Variants in GPR39 observed in about 807,000 individuals in gnomAD.
GPR39 encodes zinc sensing receptor.
GPR39 carries 23 observed loss-of-function variants against 18.4 expected under a neutral mutation model. That is an observed-to-expected ratio of 1.25 (90% CI 0.90 to 1.77). GPR39 has a LOEUF of 1.77. Ranked by LOEUF, GPR39 falls within the 40% of genes most tolerant of loss-of-function variation. The pLI, the probability that GPR39 is intolerant of heterozygous loss-of-function variation, is 0.00. For missense variants in GPR39, 647 were observed against 602.4 expected (o/e 1.07, Z -0.78); for synonymous variants, 280 against 257.9 (o/e 1.09, Z -0.82).
chr2:132,429,952 TATGGAGGAAGTTGATAGCTAGGCTA>T (rs1348234389), intron 1 of GPR39, among the ~76,000 whole-genome samples: 2 of 152,182 alleles, frequency 1.3e-5, no homozygotes, highest in Admixed American at 6.5e-5. Flanking sequence ...CTGAGTTAAA[TATGGAGGAAGTTGATAGCTAGGCTA>T]ATGGATTCAG....
intron 1 of GPR39, among the ~76,000 whole-genome samples, chr2:132,423,848 A>G (rs1018062347): frequency 1.3e-5 from 2 of 152,214 alleles, no homozygotes; most frequent in Admixed American, 6.5e-5. Context: ...ATTCCAGCAT[A>G]GTGTCTAGAC....
chr2:132,477,435 G>A (rs368375010), intron 1 of GPR39, among the ~76,000 whole-genome samples: 56 of 152,254 alleles, frequency 3.7e-4, no homozygotes, highest in Non-Finnish European at 4.6e-4. Context: ...GCATGGTAGC[G>A]CATGCCTGTG....
At chr2:132,518,517 T>C (rs1679372064) in intron 1 of GPR39, among the ~76,000 whole-genome samples, 1 of 152,246 alleles carries the variant, frequency 6.6e-6, no homozygotes, top group South Asian at 2.1e-4. Flanking sequence ...GCCCCGTTCA[T>C]GGGCTCTGTG....
intron 1 of GPR39, among the ~76,000 whole-genome samples, chr2:132,499,687 C>G (rs1364951021): frequency 2.6e-5 from 4 of 152,076 alleles, no homozygotes; most frequent in African/African-American, 9.7e-5. Context: ...TTGATTCTAC[C>G]CATCCATGAG....
At chr2:132,571,251 G>C (rs1466658375) in intron 1 of GPR39, among the ~76,000 whole-genome samples, 1 of 152,158 alleles carries the variant, frequency 6.6e-6, no homozygotes, top group African/African-American at 2.4e-5. Context: ...TCTATCCTAA[G>C]ACTGAGCATA....
intron 1 of GPR39, among the ~76,000 whole-genome samples, chr2:132,628,062 G>A (rs980548657): frequency 6.6e-6 from 1 of 152,102 alleles, no homozygotes; most frequent in Non-Finnish European, 1.5e-5. Flanking sequence ...CCCCATGTTG[G>A]TTTCCTCTTT....
Position 132,613,105 on chromosome 2 carries a change from G to A in GPR39, c.857-31996G>A, listed in dbSNP as rs926586650. Among the ~76,000 whole-genome samples, 8 of 152,286 alleles carry A rather than the reference G, an allele frequency of 5.3e-5. No individual in the cohort carries two copies. In the South Asian group the frequency reaches 1.7e-3, roughly 32 times the overall value. On this transcript the variant is annotated intron_variant, in intron 1 of 1. Transcript: ENST00000329321. ...AATTGGCTTTGTGTTCAGGGACTTTGCTAAATTCACATTAATTTCAACAGT... is the reference window on the plus strand; with the variant it reads ...AATTGGCTTTGTGTTCAGGGACTTTACTAAATTCACATTAATTTCAACAGT...
At chr2:132,614,832 T>C (rs1303875154) in intron 1 of GPR39, among the ~76,000 whole-genome samples, 5 of 152,072 alleles carry the variant, frequency 3.3e-5, no homozygotes, top group Non-Finnish European at 5.9e-5. Context: ...TGAGCCACCA[T>C]GCCCGGCCAA....
intron 1 of GPR39, among the ~76,000 whole-genome samples, chr2:132,556,011 G>C (rs2104799442): frequency 6.6e-6 from 1 of 152,102 alleles, no homozygotes; most frequent in South Asian, 2.1e-4. Flanking sequence ...TGAAATGGGA[G>C]AATTTGTGCT....
Position 132,417,837 on chromosome 2 carries a change from G to A in GPR39, c.795G>A (p.Gln265=). The change falls in exon 1 of 2, where the codon CAG becomes CAA. Residue 265 remains glutamine (Q), a synonymous_variant. Coordinates refer to ENST00000329321, the MANE Select transcript of GPR39 (RefSeq NM_001508.3). The part of the protein sequence containing the change: ...GSLAGGTRPP[Q]LRKSESEESR... The stretch of plus-strand genomic sequence containing the variant: ...TGGCCGGGGGCACGCGGCCTCCGCA[G>A]CTGAGGAAGTCCGAGAGCGAAGAGA... 1.2e-6 allele frequency: 2 copies of A among 1,613,216 alleles called. No individual in the cohort carries two copies. The highest frequency in any genetic ancestry group is 2.2e-5 in the East Asian group (1 of 44,864).
At chr2:132,444,906 AT>A (rs779841650) in intron 1 of GPR39, among the ~76,000 whole-genome samples, 8 of 152,158 alleles carry the variant, frequency 5.3e-5, no homozygotes, top group Non-Finnish European at 8.8e-5. Flanking sequence ...AAGAAAAGAA[AT>A]TTTTGAGTGG....
At chr2:132,543,757 C>T (rs953496475) in intron 1 of GPR39, among the ~76,000 whole-genome samples, 8 of 152,162 alleles carry the variant, frequency 5.3e-5, no homozygotes, top group Admixed American at 2.0e-4. Flanking sequence ...GGGGTCTCCT[C>T]ACCCAGCTCA....
At chr2:132,506,763 G>T (rs779412080) in intron 1 of GPR39, among the ~76,000 whole-genome samples, 1 of 152,218 alleles carries the variant, frequency 6.6e-6, no homozygotes, top group Non-Finnish European at 1.5e-5. Context: ...CATGACATGC[G>T]AGGATTAGGG....
rs539190329 is a variant in GPR39 at position 132,644,397 on chromosome 2, T to C, written c.857-704T>C. Reference sequence around the variant, plus strand: ...GCTGAACTAGAAGGAAGTTTTATATTTGCCATCTCTGAATAATTCTTTTTC... The same window carrying C: ...GCTGAACTAGAAGGAAGTTTTATATCTGCCATCTCTGAATAATTCTTTTTC... On this transcript the variant is annotated intron_variant, in intron 1 of 1. Transcript: ENST00000329321. Among the ~76,000 whole-genome samples, 9 of 152,336 alleles carry C rather than the reference T, an allele frequency of 5.9e-5. No individual in the cohort carries two copies. In the East Asian group the frequency reaches 1.7e-3, roughly 29 times the overall value.
intron 1 of GPR39, among the ~76,000 whole-genome samples, chr2:132,552,418 C>T (rs1004877946): frequency 1.3e-5 from 2 of 152,094 alleles, no homozygotes; most frequent in African/African-American, 4.8e-5. Flanking sequence ...GTTCCACCTT[C>T]TCCTTCTGTC....
At chr2:132,442,255 G>A (rs1461650427) in intron 1 of GPR39, among the ~76,000 whole-genome samples, 2 of 152,296 alleles carry the variant, frequency 1.3e-5, no homozygotes, top group East Asian at 3.9e-4. Context: ...CACTCAGAGT[G>A]GTGACTGATC....
At chr2:132,612,308 C>T (rs750666963) in intron 1 of GPR39, among the ~76,000 whole-genome samples, 10 of 152,040 alleles carry the variant, frequency 6.6e-5, no homozygotes, top group Non-Finnish European at 1.2e-4. Context: ...AACAGCCTCC[C>T]CCTCCCCTCA....
At chr2:132,582,772 C>T (rs73955704) in intron 1 of GPR39, among the ~76,000 whole-genome samples, 1 of 152,158 alleles carries the variant, frequency 6.6e-6, no homozygotes, top group Non-Finnish European at 1.5e-5. Context: ...TCCTTCCAAC[C>T]CCTTTTTTAC....
chr2:132,500,720 T>A (rs1448210334), intron 1 of GPR39, among the ~76,000 whole-genome samples: 2 of 152,118 alleles, frequency 1.3e-5, no homozygotes, highest in Non-Finnish European at 2.9e-5. Flanking sequence ...GGACTTTTTT[T>A]GTTGGCAATT....
Sources: allele counts gnomAD v4.1 joint callset (sites outside exome capture counted in the v4.1 genomes callset), GRCh38; gene constraint gnomAD v4.1.1; transcripts MANE v1.5; gene names NCBI Gene and HGNC (gene_info 2026-07-23, HGNC 2026-07-21).